Variants in UBR4 observed in about 807,000 individuals in gnomAD.
The protein encoded by UBR4 is ubiquitin protein ligase E3 component n-recognin 4.
A neutral mutation model predicts 575.6 loss-of-function variants in UBR4; 124 were observed. The ratio of observed to expected loss-of-function variants is 0.22; its 90% CI spans 0.19 to 0.25. The LOEUF is 0.25. Ranked by LOEUF, UBR4 falls within the 10% of genes least tolerant of loss-of-function variation. The pLI is 1.00. For synonymous variants in UBR4, 2,455 were observed against 2,473.7 expected (o/e 0.99, Z 0.22); for missense variants, 4,818 against 6,478.8 (o/e 0.74, Z 8.80).
Position 19,165,369 on chromosome 1 carries a change from A to T in UBR4, c.4212-20T>A. 2 of 1,573,674 alleles carry T rather than the reference A, an allele frequency of 1.3e-6. No homozygotes were observed. The highest frequency in any genetic ancestry group is 2.7e-5 in the African/African-American group (2 of 73,862). On this transcript the variant is annotated intron_variant, in intron 30 of 105. Coordinates refer to ENST00000375254, the MANE Select transcript of UBR4 (RefSeq NM_020765.3). ...TCTCCACTGGGAGGCAAGATGGGAG[A>T]AAAATGGAAAGAATCACATTAAAGC...
At position 19,089,395 on chromosome 1, in the gene UBR4, T is replaced by A. The variant is rs375188875; in HGVS notation, c.14212-418A>T. 6.6e-6 allele frequency among the ~76,000 whole-genome samples: 1 copy of A among 152,302 alleles called. No homozygotes were observed. ...CCAGAGCAGGCACTGGACGTTCTCC[T>A]AAGGACCTGCCCTGAGTTCTCCACG... On this transcript the variant is annotated intron_variant, in intron 97 of 105. Transcript: ENST00000375254. The surrounding 1 kb of genome is among the most constrained non-coding windows in gnomAD (Gnocchi z 4.3).
chr1:19,150,156 G>A (rs1198246768), intron 49 of UBR4, among the ~76,000 whole-genome samples: 1 of 152,144 alleles, frequency 6.6e-6, no homozygotes, highest in African/African-American at 2.4e-5. Context: ...TCTCTTGCTG[G>A]CAATGTTATT....
chr1:19,120,095 T>C (rs377504505), intron 69 of UBR4, 85 bp downstream of exon 69: 2 of 1,477,606 alleles, frequency 1.4e-6, no homozygotes, highest in East Asian at 2.3e-5. Flanking sequence ...TCTGTGACCA[T>C]ATGTAACCGA....
Position 19,121,175 on chromosome 1 carries a change from A to T in UBR4, c.10141+14T>A. 1 of 1,612,192 alleles carries T rather than the reference A, an allele frequency of 6.2e-7. No homozygotes were observed. The highest frequency in any genetic ancestry group is 8.5e-7 in the Non-Finnish European group (1 of 1,179,160). On this transcript the variant is annotated intron_variant, in intron 68 of 105. Transcript: ENST00000375254. ...ACATCATTGTAGTCACAATGACAAG[A>T]GGGTGACCCTTACCATCTTTCTCCT...
chr1:19,100,136 C>T lies in UBR4; in HGVS notation c.13221+240G>A. On this transcript the variant is annotated intron_variant, in intron 89 of 105. Transcript: ENST00000375254. The surrounding 1 kb of genome is among the most constrained non-coding windows in gnomAD (Gnocchi z 4.2). ...AAATACCCACCACCACTACAACCAA[C>T]AGCCATTAACAATATGCTTACTTCC... 2 of 542,708 alleles carry T rather than the reference C, an allele frequency of 3.7e-6. No individual in the cohort carries two copies. The highest frequency in any genetic ancestry group is 6.5e-6 in the Non-Finnish European group (2 of 307,336). The allele number at this position is 542,708 out of a possible 1,614,324, so 33.6% of individuals were successfully genotyped here.
chr1:19,109,716 G>A (rs1028793660), intron 81 of UBR4, among the ~76,000 whole-genome samples: 3 of 152,226 alleles, frequency 2.0e-5, no homozygotes, highest in Non-Finnish European at 2.9e-5. Context: ...GGAAGCGCTG[G>A]AATTTGAACT....
chr1:19,139,452 G>C lies in UBR4; in HGVS notation c.8594-232C>G, dbSNP rs961764950. 6.6e-6 allele frequency among the ~76,000 whole-genome samples: 1 copy of C among 152,166 alleles called. No homozygotes were observed. Among genetic ancestry groups the C allele is most frequent in the African/African-American group, 2.4e-5 (1 of 41,442 alleles). On this transcript the variant is annotated intron_variant, in intron 58 of 105. Coordinates refer to ENST00000375254, the MANE Select transcript of UBR4 (RefSeq NM_020765.3). The surrounding 1 kb of genome is among the most constrained non-coding windows in gnomAD (Gnocchi z 4.2). ...GTGCATTGCAAACAGTACTTAGACA[G>C]GAGTGAAGAAAACCCAGTTCACTGG... is the stretch of plus-strand genomic sequence containing the variant.
At chr1:19,165,943 T>C (rs2088292017) in intron 29 of UBR4, among the ~76,000 whole-genome samples, 186 bp from the exon 30 acceptor site, 1 of 152,244 alleles carries the variant, frequency 6.6e-6, no homozygotes, top group African/African-American at 2.4e-5. Context: ...ACTGAATTAA[T>C]AGCAGCCCCT....
chr1:19,092,922 C>G lies in UBR4; in HGVS notation c.14112-4G>C, dbSNP rs144112328. On this transcript the variant is annotated splice_polypyrimidine_tract_variant and splice_region_variant and intron_variant, in intron 96 of 105. Coordinates refer to ENST00000375254, the MANE Select transcript of UBR4 (RefSeq NM_020765.3). ...TTTCCAGATGTCGGCATCCAAACTG[C>G]AAAGCAAAGGAAGGCTTATTAGCAG... is the stretch of plus-strand genomic sequence containing the variant. 3,700 of 1,612,382 alleles carry G rather than the reference C, an allele frequency of 2.3e-3. 5 individuals carry two copies. Among genetic ancestry groups the G allele is most frequent in the Non-Finnish European group, 2.8e-3 (3,339 of 1,179,388 alleles).
chr1:19,187,093 T>TAC, intron 13 of UBR4, 71 bp downstream of exon 13: 1 of 900,536 alleles, frequency 1.1e-6, no homozygotes, highest in Non-Finnish European at 1.4e-6. Flanking sequence ...TATATATATA[T>TAC]ATACATATAT....
chr1:19,147,868 T>C (rs2085084808), intron 51 of UBR4, 125 bp downstream of exon 51: 2 of 1,383,354 alleles, frequency 1.4e-6, no homozygotes, highest in Admixed American at 2.4e-5. Context: ...CTGTAAAATG[T>C]AGGTCTAATC....
chr1:19,164,798 C>T lies in UBR4; in HGVS notation c.4511+1G>A. On this transcript the variant is annotated splice_donor_variant, in intron 32 of 105. Coordinates refer to ENST00000375254, the MANE Select transcript of UBR4 (RefSeq NM_020765.3). LOFTEE classifies it high-confidence loss of function. ...ACACGACAGAAATGTAGTTGTTCTACCTGTTTTCCCGAACAATGTATGTGG... is the reference window on the plus strand; with the variant it reads ...ACACGACAGAAATGTAGTTGTTCTATCTGTTTTCCCGAACAATGTATGTGG... 1 of 1,613,730 alleles carries T rather than the reference C, an allele frequency of 6.2e-7. No individual in the cohort carries two copies. Among genetic ancestry groups the T allele is most frequent in the Non-Finnish European group, 8.5e-7 (1 of 1,179,600 alleles).
rs917558439 is a variant in UBR4 at position 19,145,720 on chromosome 1, C to T, written c.7945+73G>A. 74 of 1,506,844 alleles carry T rather than the reference C, an allele frequency of 4.9e-5. No homozygotes were observed. The African/African-American group carries it at 7.9e-4, about 16-fold the overall frequency. 93.3% of individuals were successfully genotyped at this position (1,506,844 alleles called of 1,614,324 possible). A position where few individuals can be genotyped will look rare whatever the true frequency, so the allele number is the denominator to read the frequency against. ...ATGAAGAATGAAAGCTAATGGCTAACGGTCATAGCTGTTCAAAGACAGAAC... is the reference window on the plus strand; with the variant it reads ...ATGAAGAATGAAAGCTAATGGCTAATGGTCATAGCTGTTCAAAGACAGAAC... On this transcript the variant is annotated intron_variant, in intron 53 of 105. Transcript: ENST00000375254.
chr1:19,172,727 C>G, intron 25 of UBR4, 137 bp downstream of exon 25: 1 of 794,308 alleles, frequency 1.3e-6, no homozygotes. Context: ...CCCCTTCATA[C>G]TAGAGAAGAA....
intron 44 of UBR4, among the ~76,000 whole-genome samples, chr1:19,154,527 G>A (rs958062872): frequency 1.3e-5 from 2 of 151,970 alleles, no homozygotes; most frequent in East Asian, 1.9e-4. Flanking sequence ...TTACTGATAC[G>A]TTCTATTTGC....
At position 19,113,860 on chromosome 1, in the gene UBR4, C is replaced by T. The variant is rs6672298; in HGVS notation, c.11329-33G>A. 9.0e-3 allele frequency: 14,563 copies of T among 1,614,082 alleles called. 762 individuals carry two copies. In the African/African-American group the frequency reaches 0.14, roughly 15 times the overall value. On this transcript the variant is annotated intron_variant, in intron 76 of 105. Transcript: ENST00000375254. ...CCCAAGAGGTAAGCTGTCAGGCTCC[C>T]CACCTAAGGTGATCTCACCTAGGAG...
intron 90 of UBR4, among the ~76,000 whole-genome samples, chr1:19,097,897 C>G (rs545919428): frequency 6.6e-6 from 1 of 152,308 alleles, no homozygotes; most frequent in Admixed American, 6.5e-5. Context: ...GCTAAACCCA[C>G]AATCTGACTA....
chr1:19,150,364 G>A (rs907956911), intron 49 of UBR4, among the ~76,000 whole-genome samples: 1 of 152,162 alleles, frequency 6.6e-6, no homozygotes, highest in Non-Finnish European at 1.5e-5. Flanking sequence ...CTTCTGTCCA[G>A]GGAGAGACTC....
At position 19,139,204 on chromosome 1, in the gene UBR4, G is replaced by A. The variant is rs369965775; in HGVS notation, c.8610C>T (p.Asp2870=). ...CATCTGTCGCTGCTGTACTGCCCTC[G>A]TCGTCTGAGGCTGGAGCTGAGAGAG... The part of the protein sequence containing the change: ...DTTASAPASD[D]EGSTAATDGS... The change falls in exon 59 of 106, where the codon GAC becomes GAT. Residue 2870 remains aspartate (D), a synonymous_variant. Coordinates refer to ENST00000375254, the MANE Select transcript of UBR4 (RefSeq NM_020765.3). This position sits in a 1 kb window ranked among gnomAD's most constrained non-coding sequence, Gnocchi z 4.2. 3.4e-5 allele frequency: 55 copies of A among 1,611,186 alleles called. 1 individual carries two copies. The highest frequency in any genetic ancestry group is 3.3e-4 in the Middle Eastern group (2 of 6,074).
Sources: allele counts gnomAD v4.1 joint callset (sites outside exome capture counted in the v4.1 genomes callset), GRCh38; gene constraint gnomAD v4.1.1; non-coding constraint Gnocchi (gnomAD v3.1); transcripts MANE v1.5; gene names NCBI Gene and HGNC (gene_info 2026-07-23, HGNC 2026-07-21).